Variants in DNHD1 observed in about 807,000 individuals in gnomAD.
DNHD1 encodes dynein heavy chain domain 1, also known as dynein heavy chain domain-containing protein 1.
A neutral mutation model predicts 458.1 loss-of-function variants in DNHD1; 383 were observed. The observed-to-expected ratio is 0.84, with a 90% confidence interval of 0.77 to 0.91. The LOEUF (loss-of-function observed/expected upper bound fraction) is 0.91. Ranked by LOEUF, DNHD1 falls within the 40% of genes least tolerant of loss-of-function variation. The pLI is 0.00. For missense variants in DNHD1, 5,336 were observed against 5,866.1 expected, an observed-to-expected ratio of 0.91 and a Z score of 2.95; for synonymous variants, 2,203 against 2,376.9, an observed-to-expected ratio of 0.93 and a Z score of 2.13.
At chr11:6,520,123 A>T (rs1852576055) in intron 9 of DNHD1, 21 bp downstream of exon 9, 1 of 1,613,990 alleles carries the variant, frequency 6.2e-7, no homozygotes, top group Admixed American at 1.7e-5. Context: ...TTGGGCAGAG[A>T]GCTGGCTGTG....
chr11:6,520,912 T>TCTAG, intron 10 of DNHD1: 1 of 961,072 alleles, frequency 1.0e-6, no homozygotes, highest in Non-Finnish European at 1.2e-6. Context: ...TCAACTTCTA[T>TCTAG]CTGTTCATTA....
Position 6,571,267 on chromosome 11 carries a change from CT to C in DNHD1, c.13758del (p.Arg4587AlafsTer43). ...VPERVFHLSA[F>X]RHPRRLLLAL... ...CAGAGCGCGTCTTCCACCTGTCAGC[CT>C]TTCGCCACCCGCGCCGCCTGCTGCT... On this transcript the variant is annotated frameshift_variant, in exon 42 of 43. Transcript: ENST00000254579. LOFTEE classifies it high-confidence loss of function. This position sits in a 1 kb window ranked among gnomAD's most constrained non-coding sequence, Gnocchi z 5.0. 1 of 1,612,588 alleles carries C rather than the reference CT, an allele frequency of 6.2e-7. No homozygotes were observed. Among genetic ancestry groups the C allele is most frequent in the Non-Finnish European group, 8.5e-7 (1 of 1,179,676 alleles).
rs768300713 is a variant in DNHD1 at position 6,570,741 on chromosome 11, G to T, written c.13229G>T (p.Ser4410Ile). 4 of 1,611,596 alleles carry T rather than the reference G, an allele frequency of 2.5e-6. No homozygotes were observed. Among genetic ancestry groups the T allele is most frequent in the Middle Eastern group, 1.7e-4 (1 of 6,060 alleles). The change falls in exon 42 of 43, where the codon AGT becomes ATT. Residue 4410 changes from serine to isoleucine, a missense_variant. Physicochemically the swap from Ser to Ile is moderately radical, Grantham distance 142 (BLOSUM62 -2). Around this residue, in one of 4 missense-constraint regions of DNHD1, gnomAD observed 698 missense variants for 664.9 expected, o/e 1.05. Transcript: ENST00000254579. Reference sequence around the variant, plus strand: ...CAAGCCTGGCTGTTGCGACGCCAGAGTCGCGCTCTCTTGAGTGCGCTGCAG... The same window carrying T: ...CAAGCCTGGCTGTTGCGACGCCAGATTCGCGCTCTCTTGAGTGCGCTGCAG... ...GPQAWLLRRQ[S>I]RALLSALQRS...
chr11:6,503,763 C>T (rs1179143103), intron 4 of DNHD1: 5 of 152,216 alleles, frequency 3.3e-5, no homozygotes, highest in African/African-American at 1.2e-4. Context: ...AGGCATGAGC[C>T]ACCATGCCTG....
chr11:6,542,938 T>C (rs1272196837), intron 18 of DNHD1, among the ~76,000 whole-genome samples: 1 of 152,200 alleles, frequency 6.6e-6, no homozygotes, highest in Non-Finnish European at 1.5e-5. Context: ...CCCCAATTAA[T>C]TGAGAACTTG....
intron 6 of DNHD1, among the ~76,000 whole-genome samples, chr11:6,510,258 T>TA (rs34685039): frequency 0.036 from 5,412 of 152,136 alleles, 321 homozygotes; most frequent in African/African-American, 0.12. Context: ...TAATTTTTTT[T>TA]ATTTTTAGTA....
At chr11:6,502,081 C>T (rs1391051490) in intron 3 of DNHD1, among the ~76,000 whole-genome samples, 3 of 152,148 alleles carry the variant, frequency 2.0e-5, no homozygotes, top group Admixed American at 6.5e-5. Flanking sequence ...GTCTCCCCAA[C>T]TAAAAATTAT....
At chr11:6,515,538 C>T (rs967795554) in intron 7 of DNHD1, among the ~76,000 whole-genome samples, 10 of 152,160 alleles carry the variant, frequency 6.6e-5, no homozygotes, top group Non-Finnish European at 2.9e-5. Flanking sequence ...AAGCCTCCTT[C>T]CCCACTCCAG....
In DNHD1 at chr11:6,567,267, G is replaced by C. The variant is rs761751493; in HGVS notation, c.11758G>C (p.Gly3920Arg). The C allele has an allele frequency of 6.2e-7, 1 of 1,614,008 alleles. No homozygotes were observed. Among genetic ancestry groups the C allele is most frequent in the South Asian group, 1.1e-5 (1 of 91,092 alleles). ...LRAHLTRQLLGSTVTALGLTQ... is the reference protein window; with the variant it reads ...LRAHLTRQLLRSTVTALGLTQ... Reference sequence around the variant, plus strand: ...AGCACACCTGACCCGCCAGCTGCTGGGCAGCACCGTGACTGCACTGGGCCT... The same window carrying C: ...AGCACACCTGACCCGCCAGCTGCTGCGCAGCACCGTGACTGCACTGGGCCT... Residue 3920 changes from glycine (G) to arginine (R), a missense_variant, in exon 36 of 43, where the codon GGC (glycine) becomes CGC (arginine). Coordinates refer to ENST00000254579, the MANE Select transcript of DNHD1 (RefSeq NM_144666.3).
intron 7 of DNHD1, among the ~76,000 whole-genome samples, chr11:6,515,825 C>G (rs536017672): frequency 6.8e-6 from 1 of 147,468 alleles, no homozygotes; most frequent in Admixed American, 6.8e-5. Context: ...CACTCTGTCA[C>G]CCAGGCTGGA....
intron 37 of DNHD1, 96 bp from the exon 38 acceptor site, chr11:6,568,356 GTA>G: frequency 1.3e-6 from 2 of 1,575,820 alleles, no homozygotes; most frequent in Non-Finnish European, 1.7e-6. Flanking sequence ...ACTTGGCCTT[GTA>G]TCTGACTCCT....
rs777365736 is a variant in DNHD1 at position 6,568,383 on chromosome 11, C to G, written c.12539-71C>G. The stretch of plus-strand genomic sequence containing the variant: ...ATCTGACTCCTGACACCCCTAGCCT[C>G]AAGTCTGATTCCTAGACTTCTGCCT... On this transcript the variant is annotated intron_variant, in intron 37 of 42. Transcript: ENST00000254579. 1.9e-6 allele frequency: 3 copies of G among 1,597,464 alleles called. No individual in the cohort carries two copies. The East Asian group carries it at 6.7e-5, about 36-fold the overall frequency.
chr11:6,499,673 T>TCC (rs1852097401), intron 3 of DNHD1, among the ~76,000 whole-genome samples: 1 of 152,024 alleles, frequency 6.6e-6, no homozygotes, highest in South Asian at 2.1e-4. Flanking sequence ...GTTCAAGTGA[T>TCC]TCTCCTGCCT....
At chr11:6,524,811 G>C (rs1172934603) in intron 10 of DNHD1, among the ~76,000 whole-genome samples, 2 of 152,080 alleles carry the variant, frequency 1.3e-5, no homozygotes, top group Non-Finnish European at 2.9e-5. Context: ...TCAAAACTAC[G>C]TACGCACCTA....
In DNHD1 at chr11:6,566,279, G is replaced by A; in HGVS notation, c.11092G>A (p.Gly3698Arg). ...VLLTNVELGL[G>R]CEELQWLLQR... ...ACTGACCAATGTGGAGCTGGGTCTA[G>A]GGTGCGAAGAACTGCAATGGCTGCT... The change falls in exon 34 of 43, where the codon GGG (glycine) becomes AGG (arginine). Residue 3698 changes from glycine (G) to arginine (R), a missense_variant. By Grantham distance (125) the Gly-to-Arg change is moderately radical. Transcript: ENST00000254579. 6.4e-7 allele frequency: 1 copy of A among 1,551,782 alleles called. No homozygotes were observed.
intron 6 of DNHD1, among the ~76,000 whole-genome samples, chr11:6,510,088 A>T (rs1852305642): frequency 6.7e-6 from 1 of 148,364 alleles, no homozygotes; most frequent in Non-Finnish European, 1.5e-5. Flanking sequence ...ACTCAAAAGA[A>T]TTTTTTTTTT....
intron 10 of DNHD1, 198 bp downstream of exon 10, chr11:6,520,487 G>A (rs577387307): frequency 1.0e-5 from 15 of 1,436,520 alleles, no homozygotes; most frequent in South Asian, 4.3e-5. Context: ...ACAAATTCAC[G>A]TGGTTATGTG....
chr11:6,548,345 C>G lies in DNHD1; in HGVS notation c.7041C>G (p.Gly2347=). The G allele has an allele frequency of 1.3e-6, 2 of 1,551,654 alleles. No individual in the cohort carries two copies. Among genetic ancestry groups the G allele is most frequent in the Non-Finnish European group, 1.7e-6 (2 of 1,146,988 alleles). The change falls in exon 23 of 43, where the codon GGC becomes GGG. Residue 2347 remains glycine, a synonymous_variant. Transcript: ENST00000254579. This position sits in a 1 kb window ranked among gnomAD's most constrained non-coding sequence, Gnocchi z 4.4. ...PEDGTLVPFT[G]QYLSSHIKGT... ...ATGGAACACTGGTCCCCTTCACTGG[C>G]CAATACCTGAGCAGCCACATCAAAG...
chr11:6,548,409 G>C lies in DNHD1; in HGVS notation c.7098+7G>C, dbSNP rs1010830270. The C allele has an allele frequency of 1.9e-6, 3 of 1,551,172 alleles. No individual in the cohort carries two copies. The African/African-American group carries it at 4.1e-5, about 21-fold the overall frequency. On this transcript the variant is annotated splice_region_variant and intron_variant, in intron 23 of 42. Coordinates refer to ENST00000254579, the MANE Select transcript of DNHD1 (RefSeq NM_144666.3). The surrounding 1 kb of genome is among the most constrained non-coding windows in gnomAD (Gnocchi z 4.4). ...CTTTCACCCTTCTATCCAGGTGTGA[G>C]GACAGTAAGGCAAGAGCTGGGGTTA... is the stretch of plus-strand genomic sequence containing the variant.
Sources: gnomAD v4.1 joint callset for allele counts (sites outside exome capture counted in the v4.1 genomes callset) on GRCh38, gnomAD v4.1.1 for gene constraint, gnomAD v4.1.1 regional missense constraint, Gnocchi (gnomAD v3.1) non-coding constraint, MANE v1.5 for transcripts, NCBI Gene and HGNC (gene_info 2026-07-23, HGNC 2026-07-21) for gene names.